EHBP1: variants seen among roughly 807,000 people sequenced by gnomAD.
EHBP1 encodes EH domain-binding protein 1.
A neutral mutation model predicts 144.0 loss-of-function variants in EHBP1; 55 were observed. The ratio of observed to expected loss-of-function variants is 0.38; its 90% CI spans 0.31 to 0.48. The LOEUF (loss-of-function observed/expected upper bound fraction) is 0.48. EHBP1 is among the 20% of genes least tolerant of loss of function. The pLI, the probability that EHBP1 is intolerant of heterozygous loss-of-function variation, is 0.98. For synonymous variants in EHBP1, 469 were observed against 472.7 expected, an observed-to-expected ratio of 0.99 and a Z score of 0.10; for missense variants, 1,200 against 1,364.2, an observed-to-expected ratio of 0.88 and a Z score of 1.90.
intron 14 of EHBP1, among the ~76,000 whole-genome samples, chr2:62,968,315 G>A (rs1052228467): frequency 1.3e-5 from 2 of 152,008 alleles, no homozygotes; most frequent in Non-Finnish European, 2.9e-5. Context: ...GGGTTCTTTG[G>A]GTGGCTTTAT....
At chr2:63,006,372 A>G (rs2060036337) in intron 19 of EHBP1, among the ~76,000 whole-genome samples, 3 of 152,006 alleles carry the variant, frequency 2.0e-5, no homozygotes, top group Admixed American at 2.0e-4. Context: ...CAGATAAAGA[A>G]TCTAGTTGAT....
At chr2:63,008,971 G>C (rs902149969) in intron 19 of EHBP1, among the ~76,000 whole-genome samples, 1 of 151,592 alleles carries the variant, frequency 6.6e-6, no homozygotes, top group Admixed American at 6.6e-5. Flanking sequence ...AAGGGGGAAA[G>C]GTCATTTAAT....
chr2:62,701,882 T>A (rs559648555), upstream of EHBP1, among the ~76,000 whole-genome samples: 38 of 151,970 alleles, frequency 2.5e-4, 1 homozygote, highest in South Asian at 4.8e-3. Context: ...AAAAAAAAAA[T>A]ACAAAAACCT....
At chr2:62,675,089 G>A (rs908390240) in intron 1 of EHBP1, among the ~76,000 whole-genome samples, 10 of 152,164 alleles carry the variant, frequency 6.6e-5, no homozygotes, top group African/African-American at 2.2e-4. Flanking sequence ...AAGGAAATCT[G>A]GGAGGCAGAA....
rs577117809 is a variant in EHBP1 at position 62,951,211 on chromosome 2, G to C, written c.2316+2049G>C. On this transcript the variant is annotated intron_variant, in intron 13 of 22. Coordinates refer to ENST00000431489, the MANE Select transcript of EHBP1 (RefSeq NM_001142616.3). The stretch of plus-strand genomic sequence containing the variant: ...CCAACTGAAATATCAAACAATATAC[G>C]TATAGGTAGACAACCATGTCTTAAC... Among the ~76,000 whole-genome samples the C allele has an allele frequency of 4.6e-5, 7 of 152,244 alleles. No individual in the cohort carries two copies. In the East Asian group the frequency reaches 1.4e-3, roughly 29 times the overall value.
At chr2:62,739,215 T>G (rs2038447902) in intron 2 of EHBP1, among the ~76,000 whole-genome samples, 1 of 152,236 alleles carries the variant, frequency 6.6e-6, no homozygotes, top group Admixed American at 6.5e-5. Context: ...TTCTGCCCTG[T>G]TCTCAGTAAA....
At chr2:62,886,915 G>A (rs2051977782) in intron 10 of EHBP1, among the ~76,000 whole-genome samples, 1 of 152,128 alleles carries the variant, frequency 6.6e-6, no homozygotes, top group Admixed American at 6.5e-5. Flanking sequence ...AATAAAATGA[G>A]TCTCTGTTTA....
chr2:62,745,203 A>G (rs903565616), intron 2 of EHBP1, among the ~76,000 whole-genome samples: 4 of 152,146 alleles, frequency 2.6e-5, no homozygotes, highest in African/African-American at 9.7e-5. Context: ...GTACTAGATT[A>G]TTAGTTGGTA....
At chr2:62,921,432 C>A (rs1351268494) in intron 10 of EHBP1, among the ~76,000 whole-genome samples, 9 of 149,656 alleles carry the variant, frequency 6.0e-5, no homozygotes, top group Non-Finnish European at 3.0e-5. Context: ...GAGACAGAGC[C>A]AGACCTTGTC....
chr2:62,932,327 T>C (rs1382636179), intron 10 of EHBP1, among the ~76,000 whole-genome samples: 2 of 152,116 alleles, frequency 1.3e-5, no homozygotes, highest in Admixed American at 1.3e-4. Flanking sequence ...ATTCCAAATG[T>C]CCATTGATGA....
At chr2:62,981,069 C>CAAA (rs754301803) in intron 15 of EHBP1, among the ~76,000 whole-genome samples, 53 of 48,216 alleles carry the variant, frequency 1.1e-3, no homozygotes, top group Admixed American at 1.8e-3. Flanking sequence ...GATGCTGTCT[C>CAAA]AAAAAAAAAA....
intron 1 of EHBP1, among the ~76,000 whole-genome samples, chr2:62,677,464 C>A (rs186886651): frequency 6.6e-6 from 1 of 151,942 alleles, no homozygotes; most frequent in African/African-American, 2.4e-5. Flanking sequence ...ATGTGTCCAC[C>A]GCCTCAAGCA....
At chr2:62,795,160 T>C (rs1284569770) in intron 5 of EHBP1, among the ~76,000 whole-genome samples, 1 of 152,070 alleles carries the variant, frequency 6.6e-6, no homozygotes. Context: ...ATAAAAGTTA[T>C]TTTTAAAAAA....
At chr2:62,805,074 G>A (rs1470946894) in intron 5 of EHBP1, among the ~76,000 whole-genome samples, 1 of 152,178 alleles carries the variant, frequency 6.6e-6, no homozygotes, top group Non-Finnish European at 1.5e-5. Context: ...AGTTTTTAAA[G>A]TATACATGTT....
At chr2:62,935,992 A>C (rs193301694) in intron 10 of EHBP1, among the ~76,000 whole-genome samples, 3 of 152,306 alleles carry the variant, frequency 2.0e-5, no homozygotes, top group Non-Finnish European at 4.4e-5. Flanking sequence ...GGATAAGTCT[A>C]ATTTGTTCAA....
At chr2:62,729,701 G>A (rs1031907603) in intron 2 of EHBP1, among the ~76,000 whole-genome samples, 1 of 148,948 alleles carries the variant, frequency 6.7e-6, no homozygotes, top group Non-Finnish European at 1.5e-5. Context: ...TTATGTTTGG[G>A]AGTAAAGTCC....
intron 13 of EHBP1, among the ~76,000 whole-genome samples, chr2:62,952,872 C>A (rs2057462570): frequency 6.6e-6 from 1 of 152,140 alleles, no homozygotes; most frequent in African/African-American, 2.4e-5. Context: ...CCTTAAAAAT[C>A]TTTATCTCAT....
chr2:62,923,983 T>C (rs1230008539), intron 10 of EHBP1, among the ~76,000 whole-genome samples: 2 of 152,152 alleles, frequency 1.3e-5, no homozygotes, highest in African/African-American at 4.8e-5. Context: ...AGAAACAGCC[T>C]CATGGGTCCC....
intron 19 of EHBP1, among the ~76,000 whole-genome samples, chr2:63,011,573 T>C (rs2060271566): frequency 6.6e-6 from 1 of 151,978 alleles, no homozygotes; most frequent in Admixed American, 6.6e-5. Flanking sequence ...TTTAACAGAA[T>C]AACATTACAG....
Sources: gnomAD v4.1 joint callset for allele counts (sites outside exome capture counted in the v4.1 genomes callset) on GRCh38, gnomAD v4.1.1 for gene constraint, MANE v1.5 for transcripts, NCBI Gene and HGNC (gene_info 2026-07-23, HGNC 2026-07-21) for gene names.